The following EXPH5 variants were observed in gnomAD, a reference collection of about 807,000 sequenced individuals.
EXPH5 encodes the protein exophilin 5.
Under a neutral mutation model 41.1 loss-of-function variants are expected in EXPH5, and 42 were observed. The observed-to-expected ratio is 1.02, with a 90% CI of 0.80 to 1.32. The LOEUF (loss-of-function observed/expected upper bound fraction) is 1.32, where lower values mean the gene tolerates loss of function less well. EXPH5 is among the 40% of genes most tolerant of loss of function. EXPH5 has a pLI of 0.00. For missense variants in EXPH5, 2,298 were observed against 2,314.5 expected (o/e 0.99, Z 0.15); for synonymous variants, 798 against 833.5 (o/e 0.96, Z 0.73).
chr11:108,569,465 G>A (rs1036892152), intron 1 of EXPH5, among the ~76,000 whole-genome samples: 3 of 151,210 alleles, frequency 2.0e-5, no homozygotes, highest in Non-Finnish European at 2.9e-5. Flanking sequence ...TCAGCCTCCC[G>A]AGTAGCTGAG....
chr11:108,522,899 A>G (rs1236975393), intron 4 of EXPH5, among the ~76,000 whole-genome samples: 1 of 149,376 alleles, frequency 6.7e-6, no homozygotes, highest in African/African-American at 2.5e-5. Flanking sequence ...TTTTTTTTTT[A>G]AGAGACAGGG....
chr11:108,573,157 A>AAAGAAAGAAAG (rs2094067310), intron 1 of EXPH5, among the ~76,000 whole-genome samples: 1 of 142,040 alleles, frequency 7.0e-6, no homozygotes, highest in Non-Finnish European at 1.5e-5. Flanking sequence ...AGAAAGAAAG[A>AAAGAAAGAAAG]AAGAAAGAAA....
intron 4 of EXPH5, 105 bp from the exon 5 acceptor site, chr11:108,518,478 G>A (rs1414236181): frequency 1.0e-6 from 1 of 988,720 alleles, no homozygotes; most frequent in Non-Finnish European, 1.5e-6. Flanking sequence ...TTAGTCTAAG[G>A]ACTGCAAATC....
chr11:108,511,231 T>C lies in EXPH5; in HGVS notation c.4276A>G (p.Ser1426Gly), dbSNP rs1215398956. ...SINSSNSGPS[S>G]LPALSEVNIG... ...TTAACTTCTGAAAGAGCTGGAAGAC[T>C]AGAGGGACCACTGTTACTTGAATTA... The change falls in exon 6 of 6, where the codon AGT (serine) becomes GGT (glycine). Residue 1426 changes from serine to glycine, a missense_variant. Transcript: ENST00000265843. The C allele has an allele frequency of 6.2e-7, 1 of 1,611,838 alleles. No individual in the cohort carries two copies. The highest frequency in any genetic ancestry group is 2.2e-5 in the East Asian group (1 of 44,884).
chr11:108,599,028 A>AGG, the EXPH5 span, among the ~76,000 whole-genome samples: 1 of 150,950 alleles, frequency 6.6e-6, no homozygotes, highest in African/African-American at 2.4e-5. Flanking sequence ...CCTCCGGAAA[A>AGG]AGAGACGGAG....
intron 1 of EXPH5, among the ~76,000 whole-genome samples, chr11:108,575,693 G>C (rs1029085839): frequency 6.6e-6 from 1 of 152,182 alleles, no homozygotes; most frequent in African/African-American, 2.4e-5. Context: ...GTGGGCGAAG[G>C]CTGGGTGCGG....
Position 108,593,690 on chromosome 11 carries a change from C to G in EXPH5, c.-154G>C. 1 of 1,550,664 alleles carries G rather than the reference C, an allele frequency of 6.4e-7. No individual in the cohort carries two copies. Among genetic ancestry groups the G allele is most frequent in the Non-Finnish European group, 8.7e-7 (1 of 1,150,166 alleles). ...AGTCTAAAACCACAAACCTAGGGAACGCCCACACCTGAAGGGCTCATATTG... is the reference window on the plus strand; with the variant it reads ...AGTCTAAAACCACAAACCTAGGGAAGGCCCACACCTGAAGGGCTCATATTG... On this transcript the variant is annotated 5_prime_UTR_variant, in exon 1 of 6. Transcript: ENST00000265843.
intron 1 of EXPH5, among the ~76,000 whole-genome samples, chr11:108,548,692 G>A: frequency 6.6e-6 from 1 of 152,126 alleles, no homozygotes; most frequent in Middle Eastern, 3.4e-3. Flanking sequence ...CTCTGGGTAC[G>A]TGTAATTCAT....
At chr11:108,593,226 T>TACC (rs1440216828) in intron 1 of EXPH5, among the ~76,000 whole-genome samples, 192 bp downstream of exon 1, 2 of 142,426 alleles carry the variant, frequency 1.4e-5, no homozygotes, top group African/African-American at 2.5e-5. Flanking sequence ...GTGGAGAGGG[T>TACC]ACCAACTAAG....
chr11:108,510,616 G>C lies in EXPH5; in HGVS notation c.4891C>G (p.His1631Asp), dbSNP rs1345114075. ...CACTCCACTGTGCCAAGAGATAAAT[G>C]GTCAAAGCCAGATCTGCTTCCACTT... ...PQSGSRSGFD[H>D]LSLGTVECNP... The change falls in exon 6 of 6, where the codon CAT becomes GAT. Residue 1631 changes from histidine to aspartate, a missense_variant. Coordinates refer to ENST00000265843, the MANE Select transcript of EXPH5 (RefSeq NM_015065.3). 1.2e-6 allele frequency: 2 copies of C among 1,613,946 alleles called. No individual in the cohort carries two copies. Among genetic ancestry groups the C allele is most frequent in the African/African-American group, 2.7e-5 (2 of 74,908 alleles).
At chr11:108,559,338 G>A (rs1450211997) in intron 1 of EXPH5, among the ~76,000 whole-genome samples, 2 of 152,200 alleles carry the variant, frequency 1.3e-5, no homozygotes, top group African/African-American at 4.8e-5. Flanking sequence ...AAACTTGTAG[G>A]ACAAGGGTTA....
chr11:108,554,697 G>A (rs953709589), intron 1 of EXPH5, among the ~76,000 whole-genome samples: 4 of 152,184 alleles, frequency 2.6e-5, no homozygotes, highest in Non-Finnish European at 5.9e-5. Context: ...CAAGGTAGGT[G>A]AATCACTTGA....
chr11:108,570,704 C>T (rs897501703), intron 1 of EXPH5, among the ~76,000 whole-genome samples: 4 of 152,112 alleles, frequency 2.6e-5, no homozygotes, highest in East Asian at 1.9e-4. Flanking sequence ...CCACCATGTC[C>T]GGCTAATTTT....
rs2093678613 is a variant in EXPH5 at position 108,511,238 on chromosome 11, A to C, written c.4269T>G (p.Gly1423=). ...CQQSINSSNS[G]PSSLPALSEV... Reference sequence around the variant, plus strand: ...CTGAAAGAGCTGGAAGACTAGAGGGACCACTGTTACTTGAATTAATGGATT... The same window carrying C: ...CTGAAAGAGCTGGAAGACTAGAGGGCCCACTGTTACTTGAATTAATGGATT... Residue 1423 remains glycine (G), a synonymous_variant, in exon 6 of 6, where the codon GGT becomes GGG. Coordinates refer to ENST00000265843, the MANE Select transcript of EXPH5 (RefSeq NM_015065.3). 1 of 1,608,052 alleles carries C rather than the reference A, an allele frequency of 6.2e-7. No individual in the cohort carries two copies. The highest frequency in any genetic ancestry group is 8.5e-7 in the Non-Finnish European group (1 of 1,178,696).
intron 1 of EXPH5, among the ~76,000 whole-genome samples, chr11:108,586,615 T>C (rs61913930): frequency 5.5e-4 from 5 of 9,074 alleles, no homozygotes; most frequent in African/African-American, 2.5e-3. Context: ...TCCCTCCCCA[T>C]CCTCTTTCCT....
intron 1 of EXPH5, among the ~76,000 whole-genome samples, chr11:108,580,765 AC>A (rs1185968161): frequency 6.6e-6 from 1 of 152,214 alleles, no homozygotes; most frequent in Non-Finnish European, 1.5e-5. Flanking sequence ...CATGGATGAA[AC>A]TGGATGACAT....
At chr11:108,564,951 G>T (rs1268637300) in intron 1 of EXPH5, among the ~76,000 whole-genome samples, 1 of 143,460 alleles carries the variant, frequency 7.0e-6, no homozygotes, top group Non-Finnish European at 1.5e-5. Flanking sequence ...TCTCACTCAG[G>T]CTGGAGTGCA....
Position 108,511,555 on chromosome 11 carries a change from C to T in EXPH5, c.3952G>A (p.Val1318Ile), listed in dbSNP as rs778629800. Residue 1318 changes from valine (V) to isoleucine (I), a missense_variant, in exon 6 of 6, where the codon GTC becomes ATC. Val to Ile is a conservative substitution (Grantham distance 29, BLOSUM62 3). Transcript: ENST00000265843. ...GTGGTGAGCGTCTGATCAGAGTTGA[C>T]GGACATCTTTAGATTTTCACATGAA... ...TPSCENLKMSVNSDQTLTTEN... is the reference protein window; with the variant it reads ...TPSCENLKMSINSDQTLTTEN... 46 of 1,612,666 alleles carry T rather than the reference C, an allele frequency of 2.9e-5. No individual in the cohort carries two copies. The highest frequency in any genetic ancestry group is 1.6e-4 in the East Asian group (7 of 44,886).
At chr11:108,592,281 T>C (rs1245442848) in intron 1 of EXPH5, among the ~76,000 whole-genome samples, 1 of 152,092 alleles carries the variant, frequency 6.6e-6, no homozygotes. Context: ...GGGAGAAGGG[T>C]GAAGTCAGGG....
Sources: allele counts gnomAD v4.1 joint callset (sites outside exome capture counted in the v4.1 genomes callset), GRCh38; gene constraint gnomAD v4.1.1; transcripts MANE v1.5; gene names NCBI Gene and HGNC (gene_info 2026-07-23, HGNC 2026-07-21).